Variants in MMP20 observed in about 807,000 individuals in gnomAD.
MMP20 encodes the protein matrix metallopeptidase 20.
MMP20 carries 50 observed loss-of-function variants against 51.8 expected under a neutral mutation model. The ratio of observed to expected loss-of-function variants is 0.97; its 90% CI spans 0.77 to 1.22. The LOEUF is 1.22. Ranked by LOEUF, MMP20 falls within the 50% of genes most tolerant of loss-of-function variation. The pLI, the probability that MMP20 is intolerant of heterozygous loss-of-function variation, is 0.00. For missense variants in MMP20, 663 were observed against 601.4 expected, an observed-to-expected ratio of 1.10 and a Z score of -1.07; for synonymous variants, 244 against 216.2, an observed-to-expected ratio of 1.13 and a Z score of -1.13.
In MMP20 at chr11:102,593,496, G is replaced by T; in HGVS notation, c.1190C>A (p.Ala397Asp). Residue 397 changes from alanine to aspartate, a missense_variant, in exon 8 of 10, where the codon GCT becomes GAT. Physicochemically the swap from Ala to Asp is moderately radical, Grantham distance 126 (BLOSUM62 -2). Coordinates refer to ENST00000260228, the MANE Select transcript of MMP20 (RefSeq NM_004771.4). Reference protein sequence around the residue: ...FPRHVQQIDAAVYLREPQKTL... With the variant: ...FPRHVQQIDADVYLREPQKTL... ...CTTCTGTGGCTCCCTGAGGTAGACA[G>T]CAGCATCTATTTGCTGCACGTGCCT... 2 of 1,614,156 alleles carry T rather than the reference G, an allele frequency of 1.2e-6. No individual in the cohort carries two copies. The highest frequency in any genetic ancestry group is 1.7e-5 in the Admixed American group (1 of 60,018).
At chr11:102,579,812 A>AC (rs1035591943) in intron 8 of MMP20, among the ~76,000 whole-genome samples, 1 of 151,738 alleles carries the variant, frequency 6.6e-6, no homozygotes, top group Non-Finnish European at 1.5e-5. Flanking sequence ...ACTCAAAAAA[A>AC]ACTTGCCATT....
Position 102,586,816 on chromosome 11 carries a change from C to CA in MMP20, c.1247+6622dup, listed in dbSNP as rs201499041. Among the ~76,000 whole-genome samples, 990 of 138,410 alleles carry CA rather than the reference C, an allele frequency of 7.2e-3. 13 individuals carry two copies. The highest frequency in any genetic ancestry group is 0.023 in the African/African-American group (870 of 37,756). 90.8% of individuals were successfully genotyped at this position (138,410 alleles called of 152,430 possible). A position where few individuals can be genotyped will look rare whatever the true frequency, so the allele number is the denominator to read the frequency against. ...TGGGGGACAGAGCAAGACTCCGCCT[C>CA]AAAAAAAAAAAATTGTTTCTTTTTT... On this transcript the variant is annotated intron_variant, in intron 8 of 9. Transcript: ENST00000260228.
chr11:102,614,553 CGATGCGTACACAT>C (rs1859642895), intron 2 of MMP20, among the ~76,000 whole-genome samples: 1 of 152,188 alleles, frequency 6.6e-6, no homozygotes, highest in African/African-American at 2.4e-5. Context: ...AAGACTCTGT[CGATGCGTACACAT>C]TTTTCTTGTC....
intron 8 of MMP20, among the ~76,000 whole-genome samples, chr11:102,581,124 T>A (rs187879755): frequency 1.3e-5 from 2 of 151,866 alleles, no homozygotes; most frequent in East Asian, 3.9e-4. Context: ...CTGGAAAACA[T>A]TGGTCATGAG....
rs1335668659 is a variant in MMP20, at chr11:102,616,942, G to A, written c.244C>T (p.Gln82Ter). The change falls in exon 2 of 10, where the codon CAA becomes TAA. Residue 82 changes from glutamine to a stop codon, truncating the protein, a stop_gained. Coordinates refer to ENST00000260228, the MANE Select transcript of MMP20 (RefSeq NM_004771.4). LOFTEE classifies it high-confidence loss of function. The part of the protein sequence containing the change: ...IKELQAFFGL[Q>*]VTGKLDQTTM... ...GTCTGGTCTAACTTCCCGGTGACTTGGAGGCCAAAGAACGCTTGTAGCTCC... is the reference window on the plus strand; with the variant it reads ...GTCTGGTCTAACTTCCCGGTGACTTAGAGGCCAAAGAACGCTTGTAGCTCC... 1.9e-6 allele frequency: 3 copies of A among 1,614,182 alleles called. No individual in the cohort carries two copies. Among genetic ancestry groups the A allele is most frequent in the Non-Finnish European group, 2.5e-6 (3 of 1,180,036 alleles).
chr11:102,618,337 A>G (rs1859701513), intron 1 of MMP20, among the ~76,000 whole-genome samples: 1 of 151,504 alleles, frequency 6.6e-6, no homozygotes, highest in African/African-American at 2.4e-5. Context: ...ATTAGATATA[A>G]ATTACATATT....
intron 2 of MMP20, among the ~76,000 whole-genome samples, chr11:102,612,882 G>T (rs1217377541): frequency 6.6e-6 from 1 of 151,754 alleles, no homozygotes; most frequent in East Asian, 1.9e-4. Flanking sequence ...GATTATAGGT[G>T]CCCGCCACCA....
chr11:102,598,945 C>T (rs1442208058), intron 6 of MMP20, among the ~76,000 whole-genome samples: 2 of 152,046 alleles, frequency 1.3e-5, no homozygotes, highest in Non-Finnish European at 2.9e-5. Flanking sequence ...TTTAGTCTCA[C>T]ACTCTCTTAG....
chr11:102,622,355 C>T (rs962029385), intron 1 of MMP20, among the ~76,000 whole-genome samples: 2 of 152,266 alleles, frequency 1.3e-5, no homozygotes, highest in East Asian at 1.9e-4. Flanking sequence ...GACCTGCTGG[C>T]CTCACCTGTC....
At chr11:102,612,314 A>G (rs536783111) in intron 2 of MMP20, among the ~76,000 whole-genome samples, 66 of 152,240 alleles carry the variant, frequency 4.3e-4, no homozygotes, top group Middle Eastern at 3.4e-3. Flanking sequence ...AAAATACAAA[A>G]ATTAGCTGGG....
chr11:102,588,287 C>T (rs1015073051), intron 8 of MMP20, among the ~76,000 whole-genome samples: 2 of 151,966 alleles, frequency 1.3e-5, no homozygotes, highest in African/African-American at 4.8e-5. Context: ...TTGTATCTAT[C>T]TACATCTGAA....
rs540490195 is a variant in MMP20, at chr11:102,601,595, T to G, written c.953+4940A>C. On this transcript the variant is annotated intron_variant, in intron 6 of 9. Coordinates refer to ENST00000260228, the MANE Select transcript of MMP20 (RefSeq NM_004771.4). The stretch of plus-strand genomic sequence containing the variant: ...TCCACATCTTTAAATGTCTCCTTTA[T>G]GTGGGAGATTCAAAACCCACGAAGC... 2.6e-5 allele frequency among the ~76,000 whole-genome samples: 4 copies of G among 152,242 alleles called. No homozygotes were observed. In the East Asian group the frequency reaches 7.7e-4, roughly 29 times the overall value.
At chr11:102,608,284 G>A (rs1271931104) in intron 5 of MMP20, among the ~76,000 whole-genome samples, 2 of 152,162 alleles carry the variant, frequency 1.3e-5, no homozygotes, top group African/African-American at 4.8e-5. Context: ...TCCTTCTGAT[G>A]GATTAATTGG....
intron 1 of MMP20, among the ~76,000 whole-genome samples, chr11:102,622,330 C>T (rs1591626758): frequency 6.6e-6 from 1 of 152,150 alleles, no homozygotes; most frequent in Non-Finnish European, 1.5e-5. Context: ...TGACCCAGGC[C>T]ACCAGGCACC....
chr11:102,609,387 A>G (rs75559892), intron 4 of MMP20, among the ~76,000 whole-genome samples: 8 of 152,322 alleles, frequency 5.3e-5, no homozygotes, highest in African/African-American at 1.9e-4. Context: ...CCTTGGAACA[A>G]ATAGTGGCAA....
At position 102,594,696 on chromosome 11, in the gene MMP20, A is replaced by C. The variant is rs1195621244; in HGVS notation, c.1015T>G (p.Ser339Ala). 8 of 1,608,822 alleles carry C rather than the reference A, an allele frequency of 5.0e-6. 1 individual carries two copies. The East Asian group carries it at 6.7e-5, about 14-fold the overall frequency. Residue 339 changes from serine (S) to alanine (A), a missense_variant, in exon 7 of 10, where the codon TCC becomes GCC. Physicochemically the swap from Ser to Ala is moderately conservative, Grantham distance 99. Coordinates refer to ENST00000260228, the MANE Select transcript of MMP20 (RefSeq NM_004771.4). Reference protein sequence around the residue: ...TGIRPSTITSSFPQLMSNVDA... With the variant: ...TGIRPSTITSAFPQLMSNVDA... ...ACATTGGACATGAGCTGGGGGAAGG[A>C]GCTGGTAATAGTGCTGGGCCGAATT...
At chr11:102,602,116 A>ATTTT (rs10593493) in intron 6 of MMP20, among the ~76,000 whole-genome samples, 19 of 109,668 alleles carry the variant, frequency 1.7e-4, no homozygotes, top group African/African-American at 5.7e-4. Flanking sequence ...CGCCCGGCTA[A>ATTTT]TTTTTTTTTT....
intron 2 of MMP20, among the ~76,000 whole-genome samples, chr11:102,613,200 T>C (rs942592368): frequency 1.3e-5 from 2 of 152,172 alleles, no homozygotes; most frequent in Admixed American, 6.5e-5. Flanking sequence ...AGTTGGTGAT[T>C]GTTAGAACTT....
intron 2 of MMP20, among the ~76,000 whole-genome samples, chr11:102,612,781 G>T (rs1235720149): frequency 2.2e-5 from 3 of 137,622 alleles, no homozygotes; most frequent in African/African-American, 8.1e-5. Flanking sequence ...TTGTCGCCCA[G>T]GCTGGAGTGC....
Sources: gnomAD v4.1 joint callset for allele counts (sites outside exome capture counted in the v4.1 genomes callset) on GRCh38, gnomAD v4.1.1 for gene constraint, MANE v1.5 for transcripts, NCBI Gene and HGNC (gene_info 2026-07-23, HGNC 2026-07-21) for gene names.